The following ADGRB3 variants were observed in gnomAD, a reference collection of about 807,000 sequenced individuals.
ADGRB3 encodes brain-specific angiogenesis inhibitor 3.
A neutral mutation model predicts 193.4 loss-of-function variants in ADGRB3; 37 were observed. The observed-to-expected ratio is 0.19, with a 90% confidence interval of 0.15 to 0.25. The LOEUF (loss-of-function observed/expected upper bound fraction) is 0.25. ADGRB3 is among the 10% of genes least tolerant of loss of function. ADGRB3 has a pLI of 1.00. For missense variants in ADGRB3, 1,637 were observed against 1,852.9 expected (o/e 0.88, Z 2.14); for synonymous variants, 690 against 644.2 (o/e 1.07, Z -1.08).
At chr6:68,675,928 T>C (rs2127295893) in intron 3 of ADGRB3, among the ~76,000 whole-genome samples, 1 of 152,338 alleles carries the variant, frequency 6.6e-6, no homozygotes, top group African/African-American at 2.4e-5. Context: ...ACTGCTACTC[T>C]AATCTTTTTA....
intron 3 of ADGRB3, among the ~76,000 whole-genome samples, chr6:68,766,914 C>T (rs368740536): frequency 2.0e-5 from 3 of 151,948 alleles, no homozygotes; most frequent in African/African-American, 7.2e-5. Flanking sequence ...TCATTTGTAA[C>T]ATACTGGTTT....
chr6:68,881,358 A>G (rs1765724281), intron 3 of ADGRB3, among the ~76,000 whole-genome samples: 1 of 152,110 alleles, frequency 6.6e-6, no homozygotes, highest in Non-Finnish European at 1.5e-5. Context: ...TTCCACCTTC[A>G]ATATATGCCT....
intron 3 of ADGRB3, among the ~76,000 whole-genome samples, chr6:68,688,406 C>T (rs2127300828): frequency 6.6e-6 from 1 of 152,184 alleles, no homozygotes; most frequent in Admixed American, 6.5e-5. Context: ...ATTATAATTT[C>T]CCCTCCACCA....
intron 3 of ADGRB3, among the ~76,000 whole-genome samples, chr6:68,653,306 A>C (rs1392003867): frequency 6.6e-6 from 1 of 152,144 alleles, no homozygotes; most frequent in Non-Finnish European, 1.5e-5. Flanking sequence ...TGGTGGTGTC[A>C]CTACAGCCTA....
chr6:68,908,220 T>C (rs1037460525), intron 3 of ADGRB3, among the ~76,000 whole-genome samples: 5 of 152,200 alleles, frequency 3.3e-5, no homozygotes, highest in African/African-American at 7.2e-5. Flanking sequence ...ATTGGCATTA[T>C]TGATCGATGA....
At chr6:69,059,963 G>C (rs1266807722) in intron 15 of ADGRB3, among the ~76,000 whole-genome samples, 1 of 151,956 alleles carries the variant, frequency 6.6e-6, no homozygotes, top group Non-Finnish European at 1.5e-5. Flanking sequence ...ACATATAAAT[G>C]ATAGATAAAA....
chr6:68,702,497 C>T (rs1765257416), intron 3 of ADGRB3, among the ~76,000 whole-genome samples: 1 of 152,150 alleles, frequency 6.6e-6, no homozygotes, highest in African/African-American at 2.4e-5. Context: ...TAGTCTTTGA[C>T]TGCATTAATT....
intron 13 of ADGRB3, among the ~76,000 whole-genome samples, chr6:69,019,125 G>A (rs1311492248): frequency 6.6e-6 from 1 of 151,884 alleles, no homozygotes; most frequent in Non-Finnish European, 1.5e-5. Flanking sequence ...ACTTCTCTTT[G>A]TGGTTAAAAA....
At chr6:68,728,524 A>G (rs902044919) in intron 3 of ADGRB3, among the ~76,000 whole-genome samples, 1 of 151,592 alleles carries the variant, frequency 6.6e-6, no homozygotes, top group African/African-American at 2.4e-5. Context: ...GTGCACACAT[A>G]TAAACATTTT....
At chr6:68,841,947 T>G (rs1768167615) in intron 3 of ADGRB3, among the ~76,000 whole-genome samples, 1 of 151,982 alleles carries the variant, frequency 6.6e-6, no homozygotes, top group South Asian at 2.1e-4. Context: ...TGACACCTAG[T>G]ATTTTAGCAC....
At chr6:69,331,493 C>T (rs1210033265) in intron 23 of ADGRB3, 3 of 979,166 alleles carry the variant, frequency 3.1e-6, no homozygotes, top group Non-Finnish European at 3.6e-6. Flanking sequence ...AAGGTAGTGA[C>T]ATCCTACTAA....
intron 17 of ADGRB3, among the ~76,000 whole-genome samples, chr6:69,096,786 C>A (rs2150319626): frequency 6.6e-6 from 1 of 152,266 alleles, no homozygotes; most frequent in East Asian, 1.9e-4. Flanking sequence ...ACCTTTCTGA[C>A]CTCTTTAAGT....
intron 20 of ADGRB3, among the ~76,000 whole-genome samples, chr6:69,277,574 G>C (rs1767331353): frequency 6.6e-6 from 1 of 152,182 alleles, no homozygotes; most frequent in Non-Finnish European, 1.5e-5. Context: ...TGTCATCTCA[G>C]TTGCCACAAT....
intron 20 of ADGRB3, among the ~76,000 whole-genome samples, chr6:69,247,803 T>A (rs1384147834): frequency 1.3e-5 from 2 of 152,224 alleles, no homozygotes; most frequent in East Asian, 3.9e-4. Context: ...AACTTATGGC[T>A]ATACCTATTG....
At chr6:69,325,803 G>T (rs1000627976) in intron 21 of ADGRB3, among the ~76,000 whole-genome samples, 2 of 152,182 alleles carry the variant, frequency 1.3e-5, no homozygotes, top group African/African-American at 4.8e-5. Context: ...GGAAAAATAT[G>T]ATCAAGAACA....
intron 17 of ADGRB3, among the ~76,000 whole-genome samples, chr6:69,132,704 C>G (rs1460371696): frequency 6.6e-6 from 1 of 152,114 alleles, no homozygotes; most frequent in Non-Finnish European, 1.5e-5. Context: ...TTTCCCCATG[C>G]CTGTGTCATG....
intron 31 of ADGRB3, among the ~76,000 whole-genome samples, chr6:69,384,529 G>T (rs1770019953): frequency 6.6e-6 from 1 of 152,022 alleles, no homozygotes; most frequent in African/African-American, 2.4e-5. Context: ...TTATGCAACA[G>T]ATACAGCTGG....
intron 16 of ADGRB3, among the ~76,000 whole-genome samples, chr6:69,073,196 T>C (rs1772129322): frequency 6.6e-6 from 1 of 152,154 alleles, no homozygotes; most frequent in South Asian, 2.1e-4. Flanking sequence ...AAAGACAGTG[T>C]TATTATACTG....
chr6:68,654,241 T>C (rs1768440630), intron 3 of ADGRB3, among the ~76,000 whole-genome samples: 1 of 152,004 alleles, frequency 6.6e-6, no homozygotes, highest in African/African-American at 2.4e-5. Context: ...AGTAGGCTGT[T>C]GTAAACTTTA....
Sources: allele counts gnomAD v4.1 joint callset (sites outside exome capture counted in the v4.1 genomes callset), GRCh38; gene constraint gnomAD v4.1.1; transcripts MANE v1.5; gene names NCBI Gene and HGNC (gene_info 2026-07-23, HGNC 2026-07-21).